The following ITGA5 variants were observed in gnomAD, a reference collection of about 807,000 sequenced individuals.
ITGA5 encodes integrin subunit alpha 5.
ITGA5 carries 55 observed loss-of-function variants against 146.3 expected under a neutral mutation model. The observed-to-expected ratio is 0.38, with a 90% CI of 0.30 to 0.47. The LOEUF is 0.47. ITGA5 is among the 20% of genes least tolerant of loss of function. The pLI is 0.99. For missense variants in ITGA5, 1,131 were observed against 1,329.0 expected (o/e 0.85, Z 2.32); for synonymous variants, 500 against 531.8 (o/e 0.94, Z 0.82).
Position 54,404,847 on chromosome 12 carries a change from C to A in ITGA5, c.1273G>T (p.Val425Leu). The A allele has an allele frequency of 6.2e-7, 1 of 1,608,746 alleles. No homozygotes were observed. Among genetic ancestry groups the A allele is most frequent in the Non-Finnish European group, 8.5e-7 (1 of 1,177,944 alleles). The change falls in exon 13 of 30, where the codon GTG (valine) becomes TTG (leucine). Residue 425 changes from valine to leucine, a missense_variant. Around this residue, in one of 3 missense-constraint regions of ITGA5, gnomAD observed 889 missense variants for 1,021.5 expected, o/e 0.87. Transcript: ENST00000293379. ...CCTGGGCCCCCAGGAAATACAAACA[C>A]TACTCCCTGCTGGGTCTCCCCACCA... ...PFGGETQQGV[V>L]FVFPGGPGGL...
chr12:54,418,051 A>G (rs1956028502), intron 1 of ITGA5, among the ~76,000 whole-genome samples: 1 of 152,130 alleles, frequency 6.6e-6, no homozygotes, highest in Admixed American at 6.5e-5. Context: ...TGAGTCCTTC[A>G]TTCTGACGTT....
In ITGA5 at chr12:54,401,123, C is replaced by T. The variant is rs1191139027; in HGVS notation, c.2494-128G>A. On this transcript the variant is annotated intron_variant, in intron 24 of 29. Coordinates refer to ENST00000293379, the MANE Select transcript of ITGA5 (RefSeq NM_002205.5). This position sits in a 1 kb window ranked among gnomAD's most constrained non-coding sequence, Gnocchi z 5.0. The stretch of plus-strand genomic sequence containing the variant: ...CTATCTCAGAGATGAAGCAGGGAAG[C>T]AATGGGCAGAGGTGAAATCCTCTCT... 4 of 1,009,604 alleles carry T rather than the reference C, an allele frequency of 4.0e-6. No homozygotes were observed. The Admixed American group carries it at 7.7e-5, about 19-fold the overall frequency. 62.5% of individuals were successfully genotyped at this position (1,009,604 alleles called of 1,614,324 possible). A position where few individuals can be genotyped will look rare whatever the true frequency, so the allele number is the denominator to read the frequency against.
At chr12:54,410,045 C>T (rs886144996) in intron 2 of ITGA5, among the ~76,000 whole-genome samples, 2 of 151,978 alleles carry the variant, frequency 1.3e-5, no homozygotes, top group Non-Finnish European at 2.9e-5. Context: ...TTAGTAGAGA[C>T]GGGGTTTCAT....
rs536991747 is a variant in ITGA5, at chr12:54,401,200, G to A, written c.2493+173C>T. 3.3e-5 allele frequency among the ~76,000 whole-genome samples: 5 copies of A among 152,248 alleles called. No homozygotes were observed. Among genetic ancestry groups the A allele is most frequent in the African/African-American group, 1.2e-4 (5 of 41,536 alleles). On this transcript the variant is annotated intron_variant, in intron 24 of 29. Transcript: ENST00000293379. This position sits in a 1 kb window ranked among gnomAD's most constrained non-coding sequence, Gnocchi z 5.0. ...TCTTTCTTTCCAAGCCACTCAATTG[G>A]CCTGTCTCTCCTCTGGCTGTTTCTC... is the stretch of plus-strand genomic sequence containing the variant.
At position 54,401,602 on chromosome 12, in the gene ITGA5, G is replaced by A. The variant is rs764438371; in HGVS notation, c.2370C>T (p.Ala790=). Residue 790 remains alanine, a synonymous_variant, in exon 23 of 30, where the codon GCC becomes GCT. Transcript: ENST00000293379. This position sits in a 1 kb window ranked among gnomAD's most constrained non-coding sequence, Gnocchi z 5.0. ...GCACTGACCCGTTCAGGGTGACCTG[G>A]GCCTGAGCCTCCACGGAGAGCCGAA... ...VSFRLSVEAQ[A]QVTLNGVSKP... 1 of 1,613,998 alleles carries A rather than the reference G, an allele frequency of 6.2e-7. No individual in the cohort carries two copies. The highest frequency in any genetic ancestry group is 1.3e-5 in the African/African-American group (1 of 74,890).
rs1037784364 is a variant in ITGA5 at position 54,401,446 on chromosome 12, A to C, written c.2420T>G (p.Val807Gly). Residue 807 changes from valine (V) to glycine (G), a missense_variant, in exon 24 of 30, where the codon GTA (valine) becomes GGA (glycine). By Grantham distance (109) the Val-to-Gly change is moderately radical. This residue lies in a region of ITGA5 where 889 missense variants were observed against 1,021.5 expected (regional missense o/e 0.87). Coordinates refer to ENST00000293379, the MANE Select transcript of ITGA5 (RefSeq NM_002205.5). The surrounding 1 kb of genome is among the most constrained non-coding windows in gnomAD (Gnocchi z 5.0). ...CTGGTCTCGGGGATGCCAGTCGCTT[A>C]CTGGGAATAGCACTGCCTCAGGCTT... is the stretch of plus-strand genomic sequence containing the variant. ...VSKPEAVLFP[V>G]SDWHPRDQPQ... 6 of 1,613,810 alleles carry C rather than the reference A, an allele frequency of 3.7e-6. No individual in the cohort carries two copies. Among genetic ancestry groups the C allele is most frequent in the Non-Finnish European group, 5.1e-6 (6 of 1,179,966 alleles).
In ITGA5 at chr12:54,408,905, G is replaced by A. The variant is rs147213910; in HGVS notation, c.633C>T (p.Ala211=). The A allele has an allele frequency of 7.4e-6, 12 of 1,613,900 alleles. No homozygotes were observed. Among genetic ancestry groups the A allele is most frequent in the African/African-American group, 5.3e-5 (4 of 74,878 alleles). Reference sequence around the variant, plus strand: ...ACCACTCTCTCACCTTGGTGAACTCGGCACTGAAGCCTCCTTGGCAGTAAC... The same window carrying A: ...ACCACTCTCTCACCTTGGTGAACTCAGCACTGAAGCCTCCTTGGCAGTAAC... The part of the protein sequence containing the change: ...GQGYCQGGFS[A]EFTKTGRVVL... Residue 211 remains alanine (A), a synonymous_variant, in exon 5 of 30, where the codon GCC becomes GCT. Coordinates refer to ENST00000293379, the MANE Select transcript of ITGA5 (RefSeq NM_002205.5).
At chr12:54,407,394 C>T in intron 9 of ITGA5, 1 of 533,020 alleles carries the variant, frequency 1.9e-6, no homozygotes, top group South Asian at 2.4e-5. Flanking sequence ...TCATCCTTGC[C>T]AGAGCCTCGT....
chr12:54,410,542 G>T (rs1955930575), intron 2 of ITGA5, among the ~76,000 whole-genome samples: 1 of 150,724 alleles, frequency 6.6e-6, no homozygotes, highest in Non-Finnish European at 1.5e-5. Flanking sequence ...TGTTGACCAG[G>T]TTTATTTTAA....
intron 2 of ITGA5, among the ~76,000 whole-genome samples, chr12:54,410,730 T>C (rs1955933590): frequency 6.6e-6 from 1 of 151,022 alleles, no homozygotes; most frequent in African/African-American, 2.4e-5. Flanking sequence ...GGCTAATTTT[T>C]TTTTTTTTTT....
chr12:54,411,874 G>C lies in ITGA5; in HGVS notation c.309C>G (p.Ala103=). Residue 103 remains alanine, a synonymous_variant, in exon 2 of 30, where the codon GCC becomes GCG. Transcript: ENST00000293379. ...GGAVYLCPWG[A]SPTQCTPIEF... is the part of the protein sequence containing the mutation. ...CAATGGGGGTGCACTGTGTGGGGCTGGCACCCCAAGGACAGAGGTAGACAG... is the reference window on the plus strand; with the variant it reads ...CAATGGGGGTGCACTGTGTGGGGCTCGCACCCCAAGGACAGAGGTAGACAG... 4 of 1,593,326 alleles carry C rather than the reference G, an allele frequency of 2.5e-6. No homozygotes were observed. In the South Asian group the frequency reaches 4.5e-5, roughly 18 times the overall value.
chr12:54,401,207 T>C lies in ITGA5; in HGVS notation c.2493+166A>G, dbSNP rs1432146944. 6.6e-6 allele frequency among the ~76,000 whole-genome samples: 1 copy of C among 152,178 alleles called. No homozygotes were observed. Among genetic ancestry groups the C allele is most frequent in the East Asian group, 1.9e-4 (1 of 5,194 alleles). ...TTCCAAGCCACTCAATTGGCCTGTC[T>C]CTCCTCTGGCTGTTTCTCACAGGAC... is the stretch of plus-strand genomic sequence containing the variant. On this transcript the variant is annotated intron_variant, in intron 24 of 29. Coordinates refer to ENST00000293379, the MANE Select transcript of ITGA5 (RefSeq NM_002205.5). The surrounding 1 kb of genome is among the most constrained non-coding windows in gnomAD (Gnocchi z 5.0).
In ITGA5 at chr12:54,408,181, T is replaced by C. The variant is rs1955891745; in HGVS notation, c.746A>G (p.Tyr249Cys). 1 of 1,614,070 alleles carries C rather than the reference T, an allele frequency of 6.2e-7. No homozygotes were observed. Among genetic ancestry groups the C allele is most frequent in the South Asian group, 1.1e-5 (1 of 91,078 alleles). The change falls in exon 7 of 30, where the codon TAC becomes TGC. Residue 249 changes from tyrosine (Y) to cysteine (C), a missense_variant. Around this residue, in one of 3 missense-constraint regions of ITGA5, gnomAD observed 889 missense variants for 1,021.5 expected, o/e 0.87. Coordinates refer to ENST00000293379, the MANE Select transcript of ITGA5 (RefSeq NM_002205.5). The stretch of plus-strand genomic sequence containing the variant: ...CTGCCCCTGAACCAGGTTGATCAGG[T>C]ACTCGGGGTAATAAGATTCTGCAAT... ...EQIAESYYPEYLINLVQGQLQ... is the reference protein window; with the variant it reads ...EQIAESYYPECLINLVQGQLQ...
intron 13 of ITGA5, 111 bp from the exon 14 acceptor site, chr12:54,404,586 C>A: frequency 1.3e-6 from 2 of 1,493,806 alleles, no homozygotes; most frequent in Non-Finnish European, 1.9e-6. Context: ...AAGACAGCGC[C>A]CTCTGTTGGA....
chr12:54,398,833 CTCTT>C (rs781609976), intron 27 of ITGA5, 135 bp from the exon 28 acceptor site: 74 of 390,880 alleles, frequency 1.9e-4, no homozygotes, highest in African/African-American at 2.8e-4. Context: ...CTCTCTCTCT[CTCTT>C]TTTTTTTTTT....
intron 27 of ITGA5, 130 bp from the exon 28 acceptor site, chr12:54,398,828 T>G: frequency 2.3e-6 from 1 of 428,308 alleles, no homozygotes; most frequent in East Asian, 4.8e-5. Flanking sequence ...TCTCTCTCTC[T>G]CTCTCTCTTT....
At position 54,408,095 on chromosome 12, in the gene ITGA5, C is replaced by T. The variant is rs753877915; in HGVS notation, c.817+15G>A. On this transcript the variant is annotated intron_variant, in intron 7 of 29. Coordinates refer to ENST00000293379, the MANE Select transcript of ITGA5 (RefSeq NM_002205.5). ...GGTTCTCCCTCTGCCATCCCTTCCC[C>T]ACTTGCTTGCTCACCTAGGTAGCTG... is the stretch of plus-strand genomic sequence containing the variant. 17 of 1,614,002 alleles carry T rather than the reference C, an allele frequency of 1.1e-5. No individual in the cohort carries two copies. Among genetic ancestry groups the T allele is most frequent in the Non-Finnish European group, 1.4e-5 (16 of 1,179,992 alleles).
At chr12:54,398,740 A>T in intron 27 of ITGA5, 42 bp from the exon 28 acceptor site, 2 of 1,380,212 alleles carry the variant, frequency 1.4e-6, no homozygotes, top group Non-Finnish European at 2.0e-6. Flanking sequence ...CTCTCTTGGG[A>T]TCCAGAGGAC....
intron 8 of ITGA5, 51 bp from the exon 9 acceptor site, chr12:54,407,743 A>T (rs775960356): frequency 6.2e-7 from 1 of 1,606,212 alleles, no homozygotes; most frequent in Non-Finnish European, 8.5e-7. Context: ...AGGGAAGCAG[A>T]TAATGGTAAG....
Sources: allele counts gnomAD v4.1 joint callset (sites outside exome capture counted in the v4.1 genomes callset), GRCh38; gene constraint gnomAD v4.1.1; regional missense constraint gnomAD v4.1.1; non-coding constraint Gnocchi (gnomAD v3.1); transcripts MANE v1.5; gene names NCBI Gene and HGNC (gene_info 2026-07-23, HGNC 2026-07-21).